Variants in PDGFRL observed in about 807,000 individuals in gnomAD.
The protein encoded by PDGFRL is platelet-derived growth factor receptor-like protein.
Under a neutral mutation model 37.2 loss-of-function variants are expected in PDGFRL, and 46 were observed. The ratio of observed to expected loss-of-function variants is 1.24; its 90% CI spans 0.98 to 1.58. PDGFRL has a LOEUF of 1.58. Among genes scored for constraint, PDGFRL ranks in the 40% most tolerant of loss-of-function variants. PDGFRL has a pLI of 0.00. For missense variants in PDGFRL, 692 were observed against 467.6 expected (o/e 1.48, Z -4.43); for synonymous variants, 251 against 184.3 (o/e 1.36, Z -2.93).
At chr8:17,588,844 G>A (rs1803872670) in intron 1 of PDGFRL, among the ~76,000 whole-genome samples, 1 of 152,150 alleles carries the variant, frequency 6.6e-6, no homozygotes, top group South Asian at 2.1e-4. Context: ...GCTGTTTTGT[G>A]TGACTGCTTG....
intron 2 of PDGFRL, among the ~76,000 whole-genome samples, chr8:17,605,485 C>CA (rs1467699183): frequency 9.2e-5 from 14 of 152,202 alleles, no homozygotes; most frequent in Non-Finnish European, 1.6e-4. Flanking sequence ...TCTCTGCACA[C>CA]ATTTTGTTTC....
At chr8:17,605,491 G>A (rs901179231) in intron 2 of PDGFRL, among the ~76,000 whole-genome samples, 1 of 152,184 alleles carries the variant, frequency 6.6e-6, no homozygotes, top group Non-Finnish European at 1.5e-5. Flanking sequence ...CACACATTTT[G>A]TTTCTTGAAT....
rs1490892512 is a variant in PDGFRL at position 17,606,886 on chromosome 8, GTTTTTTTGTTTT to G, written c.354-14157_354-14146del. ...AGAAACAGCCAGTTTTTCGTTTTTTGTTTTTTTGTTTTTTTTTTTTTTTTTTTGAGACGGAGT... is the reference window on the plus strand; with the variant it reads ...AGAAACAGCCAGTTTTTCGTTTTTTGTTTTTTTTTTTTTTTGAGACGGAGT... On this transcript the variant is annotated intron_variant, in intron 2 of 5. Transcript: ENST00000251630. Among the ~76,000 whole-genome samples the G allele has an allele frequency of 1.9e-4, 26 of 138,270 alleles. 1 individual carries two copies. The highest frequency in any genetic ancestry group is 1.3e-3 in the South Asian group (6 of 4,522). The allele number at this position is 138,270 out of a possible 152,430, so 90.7% of individuals were successfully genotyped here. A position where few individuals can be genotyped will look rare whatever the true frequency, so the allele number is the denominator to read the frequency against.
intron 1 of PDGFRL, among the ~76,000 whole-genome samples, chr8:17,585,758 A>G (rs923031297): frequency 2.6e-5 from 4 of 152,174 alleles, no homozygotes; most frequent in African/African-American, 9.7e-5. Flanking sequence ...GCTGCAGTCA[A>G]TGATTCTTCT....
chr8:17,634,059 CGTGCTTGCTTCCAGTTCCCA>C lies in PDGFRL; in HGVS notation c.800-11_808del, dbSNP rs768248103. The C allele has an allele frequency of 5.0e-6, 8 of 1,613,454 alleles. No homozygotes were observed. In the African/African-American group the frequency reaches 1.1e-4, roughly 22 times the overall value. On this transcript the variant is annotated splice_acceptor_variant and splice_polypyrimidine_tract_variant and coding_sequence_variant and intron_variant, in exon 5 of 6. Transcript: ENST00000251630. LOFTEE classifies it high-confidence loss of function. ...ACTCGGGGTCTCACTCTGCCTGTTTCGTGCTTGCTTCCAGTTCCCAGTGGCCCTCCCTCAACAACCATCTT... is the reference window on the plus strand; with the variant it reads ...ACTCGGGGTCTCACTCTGCCTGTTTCGTGGCCCTCCCTCAACAACCATCTT...
chr8:17,607,661 A>C (rs1804312002), intron 2 of PDGFRL, among the ~76,000 whole-genome samples: 2 of 152,184 alleles, frequency 1.3e-5, no homozygotes, highest in South Asian at 4.1e-4. Flanking sequence ...TTTATGAGTG[A>C]AATGTTGCTT....
At position 17,642,654 on chromosome 8, in the gene PDGFRL, C is replaced by T; in HGVS notation, c.981C>T (p.Ile327=). 1 of 1,610,232 alleles carries T rather than the reference C, an allele frequency of 6.2e-7. No individual in the cohort carries two copies. Among genetic ancestry groups the T allele is most frequent in the African/African-American group, 1.3e-5 (1 of 74,976 alleles). Reference sequence around the variant, plus strand: ...CGATCCAAGACACTTGGAGGTTGATCCACAGAGGACTGGGACACACCACGA... The same window carrying T: ...CGATCCAAGACACTTGGAGGTTGATTCACAGAGGACTGGGACACACCACGA... ...PVTIQDTWRL[I]HRGLGHTTRI... The change falls in exon 6 of 6, where the codon ATC becomes ATT. Residue 327 remains isoleucine, a synonymous_variant. Transcript: ENST00000251630.
At chr8:17,628,240 C>G (rs949575410) in intron 3 of PDGFRL, among the ~76,000 whole-genome samples, 1 of 151,816 alleles carries the variant, frequency 6.6e-6, no homozygotes, top group Non-Finnish European at 1.5e-5. Flanking sequence ...GTGATCTGCC[C>G]GCCTCAGCCT....
intron 1 of PDGFRL, among the ~76,000 whole-genome samples, chr8:17,582,051 A>G (rs2517275): frequency 0.35 from 53,415 of 152,026 alleles, 10,480 homozygotes; most frequent in East Asian, 0.56. Flanking sequence ...AGTTGTGACT[A>G]AACTGTTGAT....
intron 2 of PDGFRL, among the ~76,000 whole-genome samples, chr8:17,592,739 A>G (rs1292939125): frequency 6.6e-6 from 1 of 152,182 alleles, no homozygotes; most frequent in Non-Finnish European, 1.5e-5. Flanking sequence ...ATGTGTTCCC[A>G]CAGCACTTGC....
At chr8:17,619,235 G>A (rs553843838) in intron 2 of PDGFRL, among the ~76,000 whole-genome samples, 3 of 152,082 alleles carry the variant, frequency 2.0e-5, no homozygotes, top group Admixed American at 6.6e-5. Flanking sequence ...TTATTTTGGC[G>A]CCCCCATGTG....
intron 2 of PDGFRL, among the ~76,000 whole-genome samples, chr8:17,597,685 C>A (rs1458456365): frequency 6.6e-6 from 1 of 151,858 alleles, no homozygotes; most frequent in Non-Finnish European, 1.5e-5. Flanking sequence ...TCATGGCACC[C>A]AAATATAATT....
intron 2 of PDGFRL, among the ~76,000 whole-genome samples, chr8:17,596,617 AG>A (rs1333951601): frequency 6.6e-6 from 1 of 152,246 alleles, no homozygotes; most frequent in Non-Finnish European, 1.5e-5. Flanking sequence ...AAGACTCTAA[AG>A]TGAGCGTTAA....
At chr8:17,607,174 G>A (rs1391908693) in intron 2 of PDGFRL, among the ~76,000 whole-genome samples, 1 of 152,088 alleles carries the variant, frequency 6.6e-6, no homozygotes, top group South Asian at 2.1e-4. Context: ...TTTAAGAAAC[G>A]TTTTAGACGT....
intron 2 of PDGFRL, among the ~76,000 whole-genome samples, chr8:17,602,762 C>CTGTCA (rs1455598587): frequency 6.6e-5 from 10 of 151,894 alleles, no homozygotes; most frequent in Admixed American, 5.9e-4. Flanking sequence ...TTGCAAAACC[C>CTGTCA]TGTCATGAGA....
Position 17,577,241 on chromosome 8 carries a change from G to A in PDGFRL, c.-12G>A. The A allele has an allele frequency of 1.2e-6, 2 of 1,611,602 alleles. No homozygotes were observed. The highest frequency in any genetic ancestry group is 1.7e-6 in the Non-Finnish European group (2 of 1,179,150). On this transcript the variant is annotated 5_prime_UTR_variant, in exon 1 of 6. Transcript: ENST00000251630. ...GCCGCGCTCCTGCGCTCCGAGGTCC[G>A]AGGTTCCCGAGATGAAGGTCTGGCT...
intron 1 of PDGFRL, among the ~76,000 whole-genome samples, chr8:17,580,485 G>A (rs1272062322): frequency 6.7e-6 from 1 of 148,396 alleles, no homozygotes; most frequent in South Asian, 2.1e-4. Context: ...TTAAAACACA[G>A]AAAGAGAAAA....
chr8:17,584,887 T>C (rs1295085745), intron 1 of PDGFRL, among the ~76,000 whole-genome samples: 2 of 152,112 alleles, frequency 1.3e-5, no homozygotes, highest in Non-Finnish European at 2.9e-5. Flanking sequence ...AATAAAAGAA[T>C]GGCTTCTTCA....
chr8:17,576,693 C>T, upstream of PDGFRL: 2 of 984,890 alleles, frequency 2.0e-6, no homozygotes, highest in Non-Finnish European at 1.2e-6. Flanking sequence ...AGTTACAGGG[C>T]TGGGTGCGGA....
Sources: allele counts gnomAD v4.1 joint callset (sites outside exome capture counted in the v4.1 genomes callset), GRCh38; gene constraint gnomAD v4.1.1; transcripts MANE v1.5; gene names NCBI Gene and HGNC (gene_info 2026-07-23, HGNC 2026-07-21).